TTC7B: variants seen among roughly 807,000 people sequenced by gnomAD.
The protein encoded by TTC7B is tetratricopeptide repeat protein 7B.
Under a neutral mutation model 106.8 loss-of-function variants are expected in TTC7B, and 28 were observed. The ratio of observed to expected loss-of-function variants is 0.26; its 90% CI spans 0.19 to 0.36. The LOEUF (loss-of-function observed/expected upper bound fraction) is 0.36, where lower values mean the gene tolerates loss of function less well. TTC7B is among the 10% of genes least tolerant of loss of function. The pLI, the probability that TTC7B is intolerant of heterozygous loss-of-function variation, is 1.00. For missense variants in TTC7B, 862 were observed against 1,076.4 expected (o/e 0.80, Z 2.79); for synonymous variants, 405 against 430.6 (o/e 0.94, Z 0.74).
rs1889270511 is a variant in TTC7B at position 90,531,019 on chromosome 14, AATAG to A, written c.*10345_*10348del. 2 of 152,232 alleles carry A rather than the reference AATAG, an allele frequency of 1.3e-5. No individual in the cohort carries two copies. Among genetic ancestry groups the A allele is most frequent in the African/African-American group, 4.8e-5 (2 of 41,456 alleles). 9.4% of individuals were successfully genotyped at this position (152,232 alleles called of 1,614,324 possible). On this transcript the variant is annotated 3_prime_UTR_variant, in exon 20 of 20. Coordinates refer to ENST00000328459, the MANE Select transcript of TTC7B (RefSeq NM_001010854.2). ...ATGTAAATCTGCATAAATCTCTGTT[AATAG>A]ATACAGGATATAAAATGATATAATT... is the stretch of plus-strand genomic sequence containing the variant.
chr14:90,606,268 A>G (rs574991491), intron 17 of TTC7B, among the ~76,000 whole-genome samples: 13 of 152,228 alleles, frequency 8.5e-5, no homozygotes, highest in Non-Finnish European at 1.6e-4. Context: ...GGGGTGGCCT[A>G]TGGTTGGGGT....
chr14:90,732,045 T>C (rs552641216), intron 4 of TTC7B, among the ~76,000 whole-genome samples: 41 of 152,150 alleles, frequency 2.7e-4, no homozygotes, highest in African/African-American at 9.6e-4. Context: ...ATAACCACAG[T>C]TAACATTTAT....
At chr14:90,553,496 G>C (rs1890175121) in intron 19 of TTC7B, among the ~76,000 whole-genome samples, 2 of 152,318 alleles carry the variant, frequency 1.3e-5, no homozygotes, top group South Asian at 4.1e-4. Flanking sequence ...CCAGGGACCA[G>C]GAGCTTGTGA....
chr14:90,654,901 T>G, intron 12 of TTC7B, 92 bp downstream of exon 12: 7 of 1,058,014 alleles, frequency 6.6e-6, no homozygotes, highest in Non-Finnish European at 1.0e-5. Flanking sequence ...TGCACCCTCC[T>G]GAGACAGAAG....
intron 1 of TTC7B, among the ~76,000 whole-genome samples, chr14:90,813,076 C>A (rs1230725075): frequency 1.3e-5 from 2 of 152,182 alleles, no homozygotes; most frequent in Non-Finnish European, 2.9e-5. Flanking sequence ...GCCTATCAGG[C>A]CCCGCCACTT....
At chr14:90,655,883 C>A (rs1885928140) in intron 11 of TTC7B, among the ~76,000 whole-genome samples, 1 of 151,786 alleles carries the variant, frequency 6.6e-6, no homozygotes, top group African/African-American at 2.4e-5. Flanking sequence ...AAAAAGAGGT[C>A]TATTTAAGGC....
At chr14:90,552,262 C>A (rs1411870613) in intron 19 of TTC7B, among the ~76,000 whole-genome samples, 1 of 152,240 alleles carries the variant, frequency 6.6e-6, no homozygotes, top group Non-Finnish European at 1.5e-5. Context: ...CAGTCAAGAG[C>A]AAGTTGAAGG....
chr14:90,604,030 G>A (rs1374725350), intron 17 of TTC7B, among the ~76,000 whole-genome samples: 1 of 152,180 alleles, frequency 6.6e-6, no homozygotes, highest in African/African-American at 2.4e-5. Flanking sequence ...ACCCCAGAAA[G>A]TCACTGATTA....
chr14:90,670,014 G>A (rs1397690001), intron 9 of TTC7B, among the ~76,000 whole-genome samples: 1 of 152,218 alleles, frequency 6.6e-6, no homozygotes, highest in African/African-American at 2.4e-5. Flanking sequence ...GGGGACAGGA[G>A]AAGGAAGGAA....
chr14:90,745,121 C>G (rs1464487595), intron 3 of TTC7B, among the ~76,000 whole-genome samples, 199 bp from the exon 4 acceptor site: 4 of 151,836 alleles, frequency 2.6e-5, no homozygotes, highest in African/African-American at 9.7e-5. Flanking sequence ...TCTCCAGTAC[C>G]ATGCTGAATA....
chr14:90,787,046 A>G (rs747216901), intron 1 of TTC7B, among the ~76,000 whole-genome samples: 55 of 152,220 alleles, frequency 3.6e-4, no homozygotes, highest in Non-Finnish European at 7.2e-4. Flanking sequence ...GCTGTATTCT[A>G]TGCAGCTGGT....
chr14:90,640,082 C>T (rs1255090687), intron 15 of TTC7B, among the ~76,000 whole-genome samples: 1 of 152,126 alleles, frequency 6.6e-6, no homozygotes, highest in Non-Finnish European at 1.5e-5. Context: ...AGTTTGAGCC[C>T]AGCCTGGCCA....
intron 18 of TTC7B, among the ~76,000 whole-genome samples, chr14:90,587,593 G>C (rs975434605): frequency 2.0e-5 from 3 of 152,218 alleles, no homozygotes; most frequent in Non-Finnish European, 2.9e-5. Context: ...CTTGTGTTAT[G>C]AGGGGTCGCA....
rs142381556 is a variant in TTC7B at position 90,640,455 on chromosome 14, T to A, written c.1751+3593A>T. On this transcript the variant is annotated intron_variant, in intron 15 of 19. Transcript: ENST00000328459. Reference sequence around the variant, plus strand: ...AAAATCCATATACCTAGGAAATACATACACATGTTTAAGATACGTGTAAGT... The same window carrying A: ...AAAATCCATATACCTAGGAAATACAAACACATGTTTAAGATACGTGTAAGT... Among the ~76,000 whole-genome samples the A allele has an allele frequency of 2.6e-5, 4 of 152,242 alleles. No individual in the cohort carries two copies. In the East Asian group the frequency reaches 7.7e-4, roughly 29 times the overall value.
chr14:90,630,559 C>T (rs1884650888), intron 15 of TTC7B, among the ~76,000 whole-genome samples: 1 of 152,248 alleles, frequency 6.6e-6, no homozygotes, highest in Non-Finnish European at 1.5e-5. Context: ...TACATTCACA[C>T]TGTTGTGCAA....
At chr14:90,676,738 T>C (rs1247759798) in intron 8 of TTC7B, 78 bp from the exon 9 acceptor site, 4 of 1,501,296 alleles carry the variant, frequency 2.7e-6, no homozygotes, top group Non-Finnish European at 3.6e-6. Flanking sequence ...TAGGCCCTCC[T>C]GCCCCTACCA....
At chr14:90,758,479 G>C (rs1222506754) in intron 3 of TTC7B, among the ~76,000 whole-genome samples, 7 of 151,228 alleles carry the variant, frequency 4.6e-5, no homozygotes, top group African/African-American at 1.7e-4. Context: ...GCGGGGCAGG[G>C]GGGGCACGGT....
intron 19 of TTC7B, among the ~76,000 whole-genome samples, chr14:90,572,598 A>G (rs1226180584): frequency 6.6e-6 from 1 of 152,228 alleles, no homozygotes; most frequent in Non-Finnish European, 1.5e-5. Context: ...GTTTCAGAGA[A>G]CAGAAGATCA....
chr14:90,613,071 G>A (rs2139843782), intron 16 of TTC7B, among the ~76,000 whole-genome samples: 1 of 152,290 alleles, frequency 6.6e-6, no homozygotes, highest in African/African-American at 2.4e-5. Flanking sequence ...ACATAGAGAT[G>A]CTTTTGTTTC....
Sources: gnomAD v4.1 joint callset for allele counts (sites outside exome capture counted in the v4.1 genomes callset) on GRCh38, gnomAD v4.1.1 for gene constraint, MANE v1.5 for transcripts, NCBI Gene and HGNC (gene_info 2026-07-23, HGNC 2026-07-21) for gene names.